The following ABCC2 variants were observed in gnomAD, a reference collection of about 807,000 sequenced individuals.
The protein encoded by ABCC2 is ATP-binding cassette sub-family C member 2.
ABCC2 carries 157 observed loss-of-function variants against 173.4 expected under a neutral mutation model. The observed-to-expected ratio is 0.91, with a 90% CI of 0.80 to 1.03. The LOEUF is 1.03. Ranked by LOEUF, ABCC2 falls within the 50% of genes least tolerant of loss-of-function variation. The pLI, the probability that ABCC2 is intolerant of heterozygous loss-of-function variation, is 0.00. For missense variants in ABCC2, 1,822 were observed against 1,852.3 expected, an observed-to-expected ratio of 0.98 and a Z score of 0.30; for synonymous variants, 657 against 693.5, an observed-to-expected ratio of 0.95 and a Z score of 0.83.
intron 30 of ABCC2, among the ~76,000 whole-genome samples, chr10:99,849,805 C>T (rs748131569): frequency 2.6e-5 from 4 of 152,160 alleles, no homozygotes; most frequent in Non-Finnish European, 1.5e-5. Context: ...CTTTGGCCAC[C>T]CCCTGTTTAA....
rs772618481 is a variant in ABCC2 at position 99,784,631 on chromosome 10, G to C, written c.57G>C (p.Pro19=). The C allele has an allele frequency of 1.2e-6, 2 of 1,614,136 alleles. No homozygotes were observed. Among genetic ancestry groups the C allele is most frequent in the South Asian group, 2.2e-5 (2 of 91,086 alleles). ...TFWNSSFLDS[P]EADLPLCFEQ... is the part of the protein sequence containing the mutation. ...AGAATTCCTCATTCCTGGACAGTCC[G>C]GAGGCAGACCTGCCACTTTGTTTTG... The change falls in exon 2 of 32, where the codon CCG becomes CCC. Residue 19 remains proline, a synonymous_variant. Transcript: ENST00000647814.
chr10:99,822,816 C>T (rs2038560754), intron 19 of ABCC2, among the ~76,000 whole-genome samples: 1 of 152,114 alleles, frequency 6.6e-6, no homozygotes, highest in African/African-American at 2.4e-5. Flanking sequence ...TTAGTTCTTT[C>T]AACTATGGCC....
In ABCC2 at chr10:99,792,274, T is replaced by G. The variant is rs1199759177; in HGVS notation, c.248T>G (p.Leu83Arg). 1 of 1,614,028 alleles carries G rather than the reference T, an allele frequency of 6.2e-7. No homozygotes were observed. Among genetic ancestry groups the G allele is most frequent in the East Asian group, 2.2e-5 (1 of 44,896 alleles). The change falls in exon 3 of 32, where the codon CTG becomes CGG. Residue 83 changes from leucine (L) to arginine (R), a missense_variant. Coordinates refer to ENST00000647814, the MANE Select transcript of ABCC2 (RefSeq NM_000392.5). ...GFLLILAAIE[L>R]ALVLTEDSGQ... is the part of the protein sequence containing the mutation. ...CTTCTTATTCTAGCAGCCATAGAGCTGGCCCTTGTACTCACAGAAGACTCT... is the reference window on the plus strand; with the variant it reads ...CTTCTTATTCTAGCAGCCATAGAGCGGGCCCTTGTACTCACAGAAGACTCT...
intron 2 of ABCC2, among the ~76,000 whole-genome samples, chr10:99,791,409 A>C (rs1163665476): frequency 6.6e-6 from 1 of 151,818 alleles, no homozygotes; most frequent in Non-Finnish European, 1.5e-5. Context: ...CTCCGTCTCA[A>C]AACAAAAACA....
At chr10:99,809,382 G>A (rs2038170195) in intron 13 of ABCC2, among the ~76,000 whole-genome samples, 1 of 152,264 alleles carries the variant, frequency 6.6e-6, no homozygotes, top group South Asian at 2.1e-4. Context: ...CAAAACAAAA[G>A]GGTCAGATGG....
Position 99,814,562 on chromosome 10 carries a change from CAT to C in ABCC2, c.2094+1422_2094+1423del, listed in dbSNP as rs796851054. 1.2e-4 allele frequency among the ~76,000 whole-genome samples: 14 copies of C among 119,106 alleles called. 2 individuals are homozygous for C. Among genetic ancestry groups the C allele is most frequent in the African/African-American group, 4.8e-4 (14 of 29,042 alleles). 78.1% of individuals were successfully genotyped at this position (119,106 alleles called of 152,430 possible). A position where few individuals can be genotyped will look rare whatever the true frequency, so the allele number is the denominator to read the frequency against. On this transcript the variant is annotated intron_variant, in intron 16 of 31. Transcript: ENST00000647814. ...ATACACACACATATGTGTATATACA[CAT>C]ATACACACACATATGTGTATATACA...
At chr10:99,790,731 A>G (rs1316460422) in intron 2 of ABCC2, among the ~76,000 whole-genome samples, 2 of 152,200 alleles carry the variant, frequency 1.3e-5, no homozygotes, top group Non-Finnish European at 2.9e-5. Flanking sequence ...ATATACTTGA[A>G]AAAATGCATT....
rs528799367 is a variant in ABCC2 at position 99,814,701 on chromosome 10, A to G, written c.2094+1557A>G. Reference sequence around the variant, plus strand: ...TACACACACGTGTATATACACATATATGTGTATACATGTATATACACATAT... The same window carrying G: ...TACACACACGTGTATATACACATATGTGTGTATACATGTATATACACATAT... On this transcript the variant is annotated intron_variant, in intron 16 of 31. Transcript: ENST00000647814. Among the ~76,000 whole-genome samples the G allele has an allele frequency of 1.2e-4, 17 of 143,916 alleles. 1 individual carries two copies. Among genetic ancestry groups the G allele is most frequent in the African/African-American group, 3.0e-4 (12 of 39,450 alleles). The allele number at this position is 143,916 out of a possible 152,430, so 94.4% of individuals were successfully genotyped here. A position where few individuals can be genotyped will look rare whatever the true frequency, so the allele number is the denominator to read the frequency against.
intron 19 of ABCC2, among the ~76,000 whole-genome samples, chr10:99,821,329 T>C (rs2133087097): frequency 6.6e-6 from 1 of 152,236 alleles, no homozygotes; most frequent in East Asian, 1.9e-4. Flanking sequence ...TCCTCTTGTC[T>C]CAACTGCAAG....
At chr10:99,831,585 C>T in intron 21 of ABCC2, 26 bp from the exon 22 acceptor site, 1 of 1,601,960 alleles carries the variant, frequency 6.2e-7, no homozygotes, top group Non-Finnish European at 8.6e-7. Context: ...GGGAGTTCTA[C>T]TAATATTGAG....
intron 25 of ABCC2, 76 bp from the exon 26 acceptor site, chr10:99,841,891 C>G (rs1358160048): frequency 6.2e-7 from 1 of 1,608,188 alleles, no homozygotes; most frequent in Non-Finnish European, 8.5e-7. Context: ...TGAGAATGTT[C>G]TGTGAACGCC....
chr10:99,844,279 T>G (rs1411617357), intron 27 of ABCC2, 43 bp from the exon 28 acceptor site: 6 of 1,612,896 alleles, frequency 3.7e-6, no homozygotes, highest in East Asian at 4.5e-5. Flanking sequence ...TCGGCTGAGT[T>G]GCCACCTTAT....
At chr10:99,821,598 G>A (rs538445443) in intron 19 of ABCC2, among the ~76,000 whole-genome samples, 19 of 152,262 alleles carry the variant, frequency 1.2e-4, no homozygotes, top group African/African-American at 4.3e-4. Context: ...GTTTAACAAA[G>A]CACATCTTGC....
rs1590182778 is a variant in ABCC2, at chr10:99,831,969, A to C, written c.3104-8A>C. 1 of 1,614,186 alleles carries C rather than the reference A, an allele frequency of 6.2e-7. No homozygotes were observed. Among genetic ancestry groups the C allele is most frequent in the African/African-American group, 1.3e-5 (1 of 75,036 alleles). ...GCATGGTGCTGACAAAACTGCTTCC[A>C]TCTCTAGGTATATTTGTGTTCATAG... is the stretch of plus-strand genomic sequence containing the variant. On this transcript the variant is annotated splice_region_variant and splice_polypyrimidine_tract_variant and intron_variant, in intron 22 of 31. Coordinates refer to ENST00000647814, the MANE Select transcript of ABCC2 (RefSeq NM_000392.5).
chr10:99,839,276 G>A (rs1760164854), intron 25 of ABCC2, among the ~76,000 whole-genome samples: 3 of 112,478 alleles, frequency 2.7e-5, no homozygotes, highest in Non-Finnish European at 5.8e-5. Context: ...GCGGCTGGCC[G>A]GGCAGAGGGG....
Position 99,850,805 on chromosome 10 carries a change from AG to A in ABCC2, c.4508+14del, listed in dbSNP as rs1298766532. ...ATCATGGACAGTGACAAGTGAGTGTAGGGGGACAGGGCTTGACACGGATGGC... is the reference window on the plus strand; with the variant it reads ...ATCATGGACAGTGACAAGTGAGTGTAGGGGACAGGGCTTGACACGGATGGC... On this transcript the variant is annotated intron_variant, in intron 31 of 31. Coordinates refer to ENST00000647814, the MANE Select transcript of ABCC2 (RefSeq NM_000392.5). 7 of 1,614,118 alleles carry A rather than the reference AG, an allele frequency of 4.3e-6. No homozygotes were observed. The highest frequency in any genetic ancestry group is 5.1e-6 in the Non-Finnish European group (6 of 1,180,008).
Position 99,793,629 on chromosome 10 carries a change from C to A in ABCC2, c.412C>A (p.Leu138Ile), listed in dbSNP as rs748245551. 1.2e-6 allele frequency: 2 copies of A among 1,614,152 alleles called. No individual in the cohort carries two copies. The highest frequency in any genetic ancestry group is 1.7e-6 in the Non-Finnish European group (2 of 1,180,022). ...CTGGTTCCTGTCCCTATTCTGGATT[C>A]TCTCGATACTCTGTGGCACTTTCCA... ...NSWFLSLFWI[L>I]SILCGTFQFQ... Residue 138 changes from leucine to isoleucine, a missense_variant, in exon 4 of 32, where the codon CTC becomes ATC. Transcript: ENST00000647814.
At chr10:99,839,092 C>A (rs2038883527) in intron 25 of ABCC2, among the ~76,000 whole-genome samples, 1 of 134,836 alleles carries the variant, frequency 7.4e-6, no homozygotes, top group Non-Finnish European at 1.6e-5. Flanking sequence ...GGGGGCAGAC[C>A]CCCCCCCCAC....
chr10:99,819,310 G>T (rs369002361), intron 19 of ABCC2, 41 bp downstream of exon 19: 200 of 1,577,232 alleles, frequency 1.3e-4, no homozygotes, highest in Admixed American at 2.3e-4. Context: ...CTTGGGCCAT[G>T]GGTGGAATGG....
Sources: allele counts gnomAD v4.1 joint callset (sites outside exome capture counted in the v4.1 genomes callset), GRCh38; gene constraint gnomAD v4.1.1; transcripts MANE v1.5; gene names NCBI Gene and HGNC (gene_info 2026-07-23, HGNC 2026-07-21).